CACNA2D2: variants seen among roughly 807,000 people sequenced by gnomAD.
CACNA2D2 encodes calcium voltage-gated channel auxiliary subunit alpha2delta 2, also known as voltage-dependent calcium channel subunit alpha-2/delta-2.
In CACNA2D2, 48 loss-of-function variants were observed where a neutral mutation model predicts 166.4. That is an observed-to-expected ratio of 0.29 (90% CI 0.23 to 0.37). The LOEUF is 0.37. Among genes scored for constraint, CACNA2D2 ranks in the 10% least tolerant of loss-of-function variants. The pLI is 1.00. For missense variants in CACNA2D2, 1,122 were observed against 1,433.0 expected, an observed-to-expected ratio of 0.78 and a Z score of 3.50; for synonymous variants, 561 against 573.7, an observed-to-expected ratio of 0.98 and a Z score of 0.32.
chr3:50,382,109 G>A (rs1705354247), intron 6 of CACNA2D2, among the ~76,000 whole-genome samples: 1 of 151,810 alleles, frequency 6.6e-6, no homozygotes, highest in Non-Finnish European at 1.5e-5. Context: ...CAGTACCCTC[G>A]ACCCCCAACT....
At position 50,365,516 on chromosome 3, in the gene CACNA2D2, C is replaced by T. The variant is rs775839909; in HGVS notation, c.2972-34G>A. Reference sequence around the variant, plus strand: ...GCCCAGAGCGCCTCAGCTCCGCCCACAGACCCTGGCAAGGTCTCCGGCCTC... The same window carrying T: ...GCCCAGAGCGCCTCAGCTCCGCCCATAGACCCTGGCAAGGTCTCCGGCCTC... On this transcript the variant is annotated intron_variant, in intron 34 of 37. Coordinates refer to ENST00000424201, the MANE Select transcript of CACNA2D2 (RefSeq NM_006030.4). This position sits in a 1 kb window ranked among gnomAD's most constrained non-coding sequence, Gnocchi z 4.5. 1 of 1,607,748 alleles carries T rather than the reference C, an allele frequency of 6.2e-7. No homozygotes were observed. The highest frequency in any genetic ancestry group is 1.7e-5 in the Admixed American group (1 of 59,136).
chr3:50,491,109 G>A (rs1299896043), intron 1 of CACNA2D2, among the ~76,000 whole-genome samples: 2 of 152,212 alleles, frequency 1.3e-5, no homozygotes, highest in African/African-American at 4.8e-5. Flanking sequence ...TCAGTTCTGA[G>A]GGCAGAGATC....
At chr3:50,403,056 G>T (rs1221448612) in intron 3 of CACNA2D2, among the ~76,000 whole-genome samples, 1 of 152,190 alleles carries the variant, frequency 6.6e-6, no homozygotes, top group East Asian at 1.9e-4. Flanking sequence ...TCCAGCCACA[G>T]AGGCCAAGGT....
intron 23 of CACNA2D2, 77 bp downstream of exon 23, chr3:50,370,243 C>T: frequency 1.0e-6 from 1 of 978,868 alleles, no homozygotes; most frequent in South Asian, 1.4e-5. Context: ...CACAGAGCTC[C>T]AGGCAGCAGT....
chr3:50,446,877 T>C (rs1309583778), intron 2 of CACNA2D2, among the ~76,000 whole-genome samples: 1 of 152,092 alleles, frequency 6.6e-6, no homozygotes. Flanking sequence ...CTTCGACTTG[T>C]AGGAAACCAT....
At chr3:50,467,727 C>T (rs751967050) in intron 2 of CACNA2D2, among the ~76,000 whole-genome samples, 2 of 152,212 alleles carry the variant, frequency 1.3e-5, no homozygotes, top group Non-Finnish European at 2.9e-5. Flanking sequence ...GGAGCCAACC[C>T]TTGCCTCAGT....
chr3:50,365,912 G>A lies in CACNA2D2; in HGVS notation c.2863-50C>T, dbSNP rs1704242783. 2 of 1,612,432 alleles carry A rather than the reference G, an allele frequency of 1.2e-6. No individual in the cohort carries two copies. The highest frequency in any genetic ancestry group is 8.5e-7 in the Non-Finnish European group (1 of 1,179,682). ...CTGCCACTGCTGCCCCTCGCCCTAGGTCACCCCCAGCTTTATCAAATGTCA... is the reference window on the plus strand; with the variant it reads ...CTGCCACTGCTGCCCCTCGCCCTAGATCACCCCCAGCTTTATCAAATGTCA... On this transcript the variant is annotated intron_variant, in intron 32 of 37. Coordinates refer to ENST00000424201, the MANE Select transcript of CACNA2D2 (RefSeq NM_006030.4). The surrounding 1 kb of genome is among the most constrained non-coding windows in gnomAD (Gnocchi z 4.5).
intron 3 of CACNA2D2, among the ~76,000 whole-genome samples, chr3:50,429,309 G>A (rs1380565047): frequency 2.0e-5 from 3 of 152,066 alleles, no homozygotes; most frequent in African/African-American, 2.4e-5. Context: ...TCCTCAAAAC[G>A]TAAAATAGAG....
At chr3:50,390,605 G>T (rs1168344629) in intron 4 of CACNA2D2, among the ~76,000 whole-genome samples, 1 of 152,154 alleles carries the variant, frequency 6.6e-6, no homozygotes, top group Non-Finnish European at 1.5e-5. Flanking sequence ...GGGCCATTTT[G>T]CCCAACTGGG....
At chr3:50,431,993 A>AAAAC (rs1708088492) in intron 3 of CACNA2D2, among the ~76,000 whole-genome samples, 1 of 151,694 alleles carries the variant, frequency 6.6e-6, no homozygotes. Flanking sequence ...AAAAAAAAAA[A>AAAAC]AAAAAAACAA....
chr3:50,390,563 CCT>C (rs1010134440), intron 4 of CACNA2D2, among the ~76,000 whole-genome samples: 3 of 152,146 alleles, frequency 2.0e-5, no homozygotes, highest in African/African-American at 7.2e-5. Context: ...GGACCACTCC[CCT>C]GACATACCCT....
intron 1 of CACNA2D2, among the ~76,000 whole-genome samples, chr3:50,481,121 C>A (rs928158984): frequency 1.3e-5 from 2 of 151,820 alleles, no homozygotes; most frequent in African/African-American, 4.8e-5. Context: ...TTAAACAAAT[C>A]AAAAAACCAG....
chr3:50,389,869 G>A (rs1011522260), intron 4 of CACNA2D2, among the ~76,000 whole-genome samples: 7 of 152,218 alleles, frequency 4.6e-5, no homozygotes, highest in African/African-American at 1.4e-4. Flanking sequence ...CTAGGAGGGC[G>A]AGACCATGCC....
At chr3:50,402,888 G>C (rs1260209182) in intron 3 of CACNA2D2, among the ~76,000 whole-genome samples, 1 of 152,204 alleles carries the variant, frequency 6.6e-6, no homozygotes, top group East Asian at 1.9e-4. Flanking sequence ...ACCCATCCAG[G>C]GGCCGTCGGC....
intron 3 of CACNA2D2, among the ~76,000 whole-genome samples, chr3:50,394,670 C>A (rs543191649): frequency 1.3e-5 from 2 of 152,304 alleles, no homozygotes; most frequent in Non-Finnish European, 2.9e-5. Flanking sequence ...GGCTCCCAAG[C>A]CCTCTGTCCA....
chr3:50,444,182 G>A (rs754209822), intron 2 of CACNA2D2, among the ~76,000 whole-genome samples: 6 of 152,182 alleles, frequency 3.9e-5, no homozygotes, highest in Non-Finnish European at 7.4e-5. Flanking sequence ...AACTGACCTT[G>A]CCCCAAAGCC....
rs1029492923 is a variant in CACNA2D2, at chr3:50,363,159, T to G, written c.*1507A>C. On this transcript the variant is annotated 3_prime_UTR_variant, in exon 38 of 38. Transcript: ENST00000424201. ...ATGTTTATATTCTCCATTGAGCACC[T>G]GACTACACTACAGTTACACGCACGC... 2 of 398,808 alleles carry G rather than the reference T, an allele frequency of 5.0e-6. No individual in the cohort carries two copies. Among genetic ancestry groups the G allele is most frequent in the East Asian group, 3.6e-5 (1 of 28,100 alleles). 24.7% of individuals were successfully genotyped at this position (398,808 alleles called of 1,614,324 possible).
At chr3:50,422,856 C>G (rs1297280542) in intron 3 of CACNA2D2, among the ~76,000 whole-genome samples, 3 of 152,230 alleles carry the variant, frequency 2.0e-5, no homozygotes, top group Non-Finnish European at 4.4e-5. Flanking sequence ...GGAAAACCTA[C>G]TTATGAAGTG....
At position 50,503,205 on chromosome 3, in the gene CACNA2D2, C is replaced by G. The variant is rs148980752; in HGVS notation, c.206+13G>C. 1.1e-5 allele frequency: 13 copies of G among 1,185,964 alleles called. No individual in the cohort carries two copies. The highest frequency in any genetic ancestry group is 1.3e-5 in the Non-Finnish European group (12 of 957,406). 73.5% of individuals were successfully genotyped at this position (1,185,964 alleles called of 1,614,324 possible). Reference sequence around the variant, plus strand: ...GCTCGGCCGGGGTCTCGCGGCCGGCCGAGGCCACTTACGTGTGCTGCTGGG... The same window carrying G: ...GCTCGGCCGGGGTCTCGCGGCCGGCGGAGGCCACTTACGTGTGCTGCTGGG... On this transcript the variant is annotated intron_variant, in intron 1 of 37. Transcript: ENST00000424201.
Sources: allele counts gnomAD v4.1 joint callset (sites outside exome capture counted in the v4.1 genomes callset), GRCh38; gene constraint gnomAD v4.1.1; non-coding constraint Gnocchi (gnomAD v3.1); transcripts MANE v1.5; gene names NCBI Gene and HGNC (gene_info 2026-07-23, HGNC 2026-07-21).